Variants in ARHGEF7 observed in about 807,000 individuals in gnomAD.
The protein encoded by ARHGEF7 is Rho guanine nucleotide exchange factor 7.
In ARHGEF7, 33 loss-of-function variants were observed where a neutral mutation model predicts 109.8. That is an observed-to-expected ratio of 0.30 (90% confidence interval 0.23 to 0.40). The LOEUF (loss-of-function observed/expected upper bound fraction) is 0.40, where lower values mean the gene tolerates loss of function less well. Ranked by LOEUF, ARHGEF7 falls within the 10% of genes least tolerant of loss-of-function variation. ARHGEF7 has a pLI of 1.00. For synonymous variants in ARHGEF7, 458 were observed against 424.6 expected, an observed-to-expected ratio of 1.08 and a Z score of -0.97; for missense variants, 938 against 1,098.5, an observed-to-expected ratio of 0.85 and a Z score of 2.07.
At chr13:111,207,208 G>A (rs555530146) in intron 3 of ARHGEF7, among the ~76,000 whole-genome samples, 8 of 152,214 alleles carry the variant, frequency 5.3e-5, no homozygotes, top group East Asian at 1.9e-4. Flanking sequence ...TTGCTCTGTC[G>A]TCCACGCTGG....
chr13:111,234,465 G>A lies in ARHGEF7; in HGVS notation c.759+1172G>A, dbSNP rs548496683. On this transcript the variant is annotated intron_variant, in intron 6 of 21. Coordinates refer to ENST00000646102, the MANE Select transcript of ARHGEF7 (RefSeq NM_001354046.2). The stretch of plus-strand genomic sequence containing the variant: ...GCAGCTCTGTTAAAGGCACCAGGAT[G>A]CACAGTGAACAGAATGGCGGGTGCC... 6.1e-4 allele frequency among the ~76,000 whole-genome samples: 93 copies of A among 152,350 alleles called. 1 individual carries two copies. The highest frequency in any genetic ancestry group is 2.2e-3 in the African/African-American group (91 of 41,582).
chr13:111,283,192 G>A lies in ARHGEF7; in HGVS notation c.1779G>A (p.Ala593=), dbSNP rs200514835. The change falls in exon 16 of 22, where the codon GCG becomes GCA. Residue 593 remains alanine, a synonymous_variant. Coordinates refer to ENST00000646102, the MANE Select transcript of ARHGEF7 (RefSeq NM_001354046.2). ...PSSKHADSKP[A]PLTPAYHTLP... The stretch of plus-strand genomic sequence containing the variant: ...GCAAGCACGCAGACAGCAAGCCCGC[G>A]CCGCTGACGCCCGCCTACCACACGC... 1.0e-5 allele frequency: 16 copies of A among 1,596,634 alleles called. No homozygotes were observed. The East Asian group carries it at 2.7e-4, about 27-fold the overall frequency.
intron 2 of ARHGEF7, 73 bp downstream of exon 2, chr13:111,154,064 C>T: frequency 7.1e-7 from 1 of 1,409,332 alleles, no homozygotes; most frequent in Non-Finnish European, 9.4e-7. Context: ...GTGCTTCGCT[C>T]CAGCCGGACC....
chr13:111,244,034 C>A, intron 7 of ARHGEF7, 68 bp downstream of exon 7: 1 of 1,394,990 alleles, frequency 7.2e-7, no homozygotes, highest in Non-Finnish European at 1.0e-6. Context: ...CTTCTATTTT[C>A]AGAGAATAGA....
chr13:111,205,777 G>T (rs1490220353), intron 3 of ARHGEF7, among the ~76,000 whole-genome samples: 2 of 152,080 alleles, frequency 1.3e-5, no homozygotes, highest in Non-Finnish European at 2.9e-5. Context: ...TAAGGGAGTG[G>T]CTCGTGGATT....
chr13:111,115,583 G>A lies in ARHGEF7; in HGVS notation c.57G>A (p.Ser19=), dbSNP rs1284270681. 3.5e-6 allele frequency: 5 copies of A among 1,424,326 alleles called. No homozygotes were observed. The highest frequency in any genetic ancestry group is 1.3e-5 in the South Asian group (1 of 74,512). 88.2% of individuals were successfully genotyped at this position (1,424,326 alleles called of 1,614,324 possible). ...TWLITLGVLE[S]PKKTISDPEG... ...TCATCACTCTGGGGGTGCTGGAGTC[G>A]CCCAAAAAAACCATCTCGGACCCGG... Residue 19 remains serine, a synonymous_variant, in exon 1 of 22, where the codon TCG becomes TCA. Coordinates refer to ENST00000646102, the MANE Select transcript of ARHGEF7 (RefSeq NM_001354046.2).
intron 16 of ARHGEF7, among the ~76,000 whole-genome samples, chr13:111,284,537 G>A (rs558636039): frequency 4.6e-5 from 7 of 152,350 alleles, no homozygotes; most frequent in South Asian, 4.1e-4. Context: ...AACTGGTGGA[G>A]ACTGAATTAC....
rs1429145439 is a variant in ARHGEF7, at chr13:111,266,148, A to C, written c.951-1400A>C. ...CAAGTGCATGCCAGGCAGTTAATCCATGTGAATGCTCACGGTTGACTCAGA... is the reference window on the plus strand; with the variant it reads ...CAAGTGCATGCCAGGCAGTTAATCCCTGTGAATGCTCACGGTTGACTCAGA... On this transcript the variant is annotated intron_variant, in intron 8 of 21. Transcript: ENST00000646102. This position sits in a 1 kb window ranked among gnomAD's most constrained non-coding sequence, Gnocchi z 4.8. 6.6e-6 allele frequency among the ~76,000 whole-genome samples: 1 copy of C among 152,112 alleles called. No individual in the cohort carries two copies.
At chr13:111,296,511 G>C (rs573452861) in intron 19 of ARHGEF7, among the ~76,000 whole-genome samples, 1 of 152,268 alleles carries the variant, frequency 6.6e-6, no homozygotes, top group South Asian at 2.1e-4. Flanking sequence ...AGAAGTGCTG[G>C]ATTGGTGTTA....
At chr13:111,210,544 A>T (rs934368054) in intron 4 of ARHGEF7, among the ~76,000 whole-genome samples, 1 of 152,188 alleles carries the variant, frequency 6.6e-6, no homozygotes, top group African/African-American at 2.4e-5. Flanking sequence ...TGTCGTGGAG[A>T]GTGAAAAAAT....
chr13:111,245,488 A>G (rs927442142), intron 8 of ARHGEF7, among the ~76,000 whole-genome samples: 2 of 152,110 alleles, frequency 1.3e-5, no homozygotes. Context: ...CACCTTTTCA[A>G]ATTGCTTCAA....
chr13:111,241,111 C>T, intron 6 of ARHGEF7: 10 of 1,502,246 alleles, frequency 6.7e-6, no homozygotes, highest in Non-Finnish European at 8.8e-6. Context: ...ACTGCACTTG[C>T]CTCTCCATGC....
intron 17 of ARHGEF7, among the ~76,000 whole-genome samples, chr13:111,287,610 C>T (rs937976076): frequency 2.0e-5 from 3 of 152,224 alleles, no homozygotes; most frequent in African/African-American, 7.2e-5. Context: ...GTGGGAGATT[C>T]GGTGCCAGGG....
intron 19 of ARHGEF7, among the ~76,000 whole-genome samples, chr13:111,298,053 G>T (rs778683201): frequency 5.9e-5 from 9 of 152,234 alleles, no homozygotes; most frequent in Non-Finnish European, 1.3e-4. Flanking sequence ...CTCAAAGCAG[G>T]ACAACTGGAT....
Position 111,217,832 on chromosome 13 carries a change from C to T in ARHGEF7, c.622C>T (p.Arg208Trp), listed in dbSNP as rs780984892. ...CTGGTGGGAGGGCACACTCAACGGCCGGACCGGCTGGTTCCCCAGCAACTA... is the reference window on the plus strand; with the variant it reads ...CTGGTGGGAGGGCACACTCAACGGCTGGACCGGCTGGTTCCCCAGCAACTA... ...GGWWEGTLNGRTGWFPSNYVR... is the reference protein window; with the variant it reads ...GGWWEGTLNGWTGWFPSNYVR... Residue 208 changes from arginine to tryptophan, a missense_variant, in exon 5 of 22, where the codon CGG becomes TGG. Around this residue, in one of 4 missense-constraint regions of ARHGEF7, gnomAD observed 585 missense variants for 723.6 expected, o/e 0.81. Transcript: ENST00000646102. 1.8e-5 allele frequency: 29 copies of T among 1,613,868 alleles called. No individual in the cohort carries two copies. Among genetic ancestry groups the T allele is most frequent in the East Asian group, 6.7e-5 (3 of 44,878 alleles).
At chr13:111,299,631 G>C (rs114054683) in intron 19 of ARHGEF7, among the ~76,000 whole-genome samples, 3,665 of 152,194 alleles carry the variant, frequency 0.024, 148 homozygotes, top group African/African-American at 0.085. Context: ...CGTGAGCCAC[G>C]GCACCCGGCT....
At chr13:111,241,133 C>A (rs991127359) in intron 6 of ARHGEF7, 1 of 1,525,308 alleles carries the variant, frequency 6.6e-7, no homozygotes, top group Non-Finnish European at 8.8e-7. Flanking sequence ...TCGTGACCCC[C>A]GGGAAGCTGG....
At chr13:111,201,013 A>G (rs2153460135) in intron 2 of ARHGEF7, among the ~76,000 whole-genome samples, 1 of 152,230 alleles carries the variant, frequency 6.6e-6, no homozygotes. Flanking sequence ...ATATTAATGA[A>G]GTTCGGCCTT....
At chr13:111,208,673 C>T (rs1343998603) in intron 3 of ARHGEF7, among the ~76,000 whole-genome samples, 3 of 152,082 alleles carry the variant, frequency 2.0e-5, no homozygotes, top group Non-Finnish European at 1.5e-5. Flanking sequence ...TTTTGTGCTG[C>T]GGGTTGCCTG....
Sources: allele counts gnomAD v4.1 joint callset (sites outside exome capture counted in the v4.1 genomes callset), GRCh38; gene constraint gnomAD v4.1.1; regional missense constraint gnomAD v4.1.1; non-coding constraint Gnocchi (gnomAD v3.1); transcripts MANE v1.5; gene names NCBI Gene and HGNC (gene_info 2026-07-23, HGNC 2026-07-21).